CAST: variants seen among roughly 807,000 people sequenced by gnomAD.
CAST encodes MIR583 host.
In CAST, 76 loss-of-function variants were observed where a neutral mutation model predicts 119.6. The ratio of observed to expected loss-of-function variants is 0.64; its 90% confidence interval spans 0.53 to 0.77. The LOEUF is 0.77. Ranked by LOEUF, CAST falls within the 30% of genes least tolerant of loss-of-function variation. The probability of loss-of-function intolerance (pLI) is 0.00; values close to 1 mark genes in which losing one functional copy is unlikely to be tolerated. For missense variants in CAST, 953 were observed against 946.5 expected (o/e 1.01, Z -0.09); for synonymous variants, 319 against 331.6 (o/e 0.96, Z 0.41).
At chr5:96,150,494 C>T in the CAST span, among the ~76,000 whole-genome samples, 474 of 152,312 alleles carry the variant, frequency 3.1e-3, 1 homozygote, top group Non-Finnish European at 3.8e-3. Flanking sequence ...TCAGAGAGAA[C>T]GCTGTCCTGT....
chr5:96,129,556 T>A, the CAST span, among the ~76,000 whole-genome samples: 2 of 152,112 alleles, frequency 1.3e-5, no homozygotes, highest in African/African-American at 4.8e-5. Context: ...ACTGCTTTAT[T>A]GAGAAGAAAT....
chr5:96,671,366 A>G (rs1247836183), intron 1 of CAST, among the ~76,000 whole-genome samples: 6 of 152,136 alleles, frequency 3.9e-5, no homozygotes, highest in African/African-American at 1.4e-4. Context: ...GGAAGTTTTC[A>G]TGTTTTGTTA....
chr5:96,488,807 T>TAA, the CAST span, among the ~76,000 whole-genome samples: 14,832 of 152,300 alleles, frequency 0.097, 898 homozygotes, highest in Middle Eastern at 0.15. Context: ...AAAAGTTTAG[T>TAA]AAATTTACTC....
At chr5:96,617,371 C>T (rs1297001019) in intron 1 of CAST, among the ~76,000 whole-genome samples, 8 of 152,072 alleles carry the variant, frequency 5.3e-5, no homozygotes, top group Non-Finnish European at 1.2e-4. Flanking sequence ...AAAACACCTA[C>T]AAAATGCCAT....
the CAST span, among the ~76,000 whole-genome samples, chr5:96,224,791 C>A: frequency 3.9e-5 from 6 of 152,144 alleles, no homozygotes; most frequent in Admixed American, 6.5e-5. Flanking sequence ...TGCATGATGG[C>A]CAGATGGGTT....
the CAST span, among the ~76,000 whole-genome samples, chr5:96,302,799 A>G: frequency 6.6e-6 from 1 of 152,244 alleles, no homozygotes; most frequent in South Asian, 2.1e-4. Context: ...CATTTACAAT[A>G]TCACTATTGG....
chr5:96,287,236 C>T, the CAST span, among the ~76,000 whole-genome samples: 1 of 152,120 alleles, frequency 6.6e-6, no homozygotes, highest in Non-Finnish European at 1.5e-5. Context: ...CAGGCACATT[C>T]TTCCCCCCTC....
Position 96,767,302 on chromosome 5 carries a change from A to T in CAST, c.2131-136A>T, listed in dbSNP as rs933577098. The T allele has an allele frequency of 6.3e-6, 4 of 629,972 alleles. No individual in the cohort carries two copies. The African/African-American group carries it at 7.5e-5, about 12-fold the overall frequency. The allele number at this position is 629,972 out of a possible 1,614,324, so 39.0% of individuals were successfully genotyped here. On this transcript the variant is annotated intron_variant, in intron 27 of 31. Coordinates refer to ENST00000675179, the MANE Select transcript of CAST (RefSeq NM_001750.7). ...GCTGGTAAAGAAATAGTGGGGACTC[A>T]GGTTTATTAGTTATTGCAAGTCTAC...
the CAST span, among the ~76,000 whole-genome samples, chr5:96,290,417 A>G: frequency 2.0e-5 from 3 of 152,208 alleles, no homozygotes; most frequent in African/African-American, 7.2e-5. Context: ...GAAACAGACT[A>G]TTAGAAGAAT....
chr5:96,689,408 G>A (rs2150288654), intron 2 of CAST, among the ~76,000 whole-genome samples: 1 of 152,166 alleles, frequency 6.6e-6, no homozygotes, highest in East Asian at 1.9e-4. Flanking sequence ...GGTATTTCTA[G>A]GTAATATATT....
chr5:96,010,801 T>C, the CAST span, among the ~76,000 whole-genome samples: 2 of 152,220 alleles, frequency 1.3e-5, no homozygotes, highest in Non-Finnish European at 2.9e-5. Flanking sequence ...TAATTTTCCT[T>C]GTAGAGATCT....
the CAST span, among the ~76,000 whole-genome samples, chr5:96,246,913 T>C: frequency 1.3e-5 from 2 of 152,348 alleles, no homozygotes; most frequent in Non-Finnish European, 2.9e-5. Context: ...ACTTTTTAAA[T>C]GAGTGTTAAA....
At chr5:96,503,856 G>C in the CAST span, among the ~76,000 whole-genome samples, 1 of 152,140 alleles carries the variant, frequency 6.6e-6, no homozygotes. Flanking sequence ...TATTTCGTAA[G>C]AGCGCTTCAC....
At chr5:95,961,926 G>C in the CAST span, 1 of 630,556 alleles carries the variant, frequency 1.6e-6, no homozygotes, top group Admixed American at 3.8e-5. Flanking sequence ...CCCCGGGCTC[G>C]TCTCATTGGT....
the CAST span, among the ~76,000 whole-genome samples, chr5:96,245,168 T>C: frequency 6.6e-6 from 1 of 152,348 alleles, no homozygotes; most frequent in African/African-American, 2.4e-5. Flanking sequence ...GAATTTTAGT[T>C]CATTAAATTT....
chr5:96,165,361 A>G, the CAST span, among the ~76,000 whole-genome samples: 1 of 152,172 alleles, frequency 6.6e-6, no homozygotes. Flanking sequence ...TTAAACCAGA[A>G]AAGTCCATGT....
At chr5:96,325,392 T>C in the CAST span, among the ~76,000 whole-genome samples, 1 of 151,584 alleles carries the variant, frequency 6.6e-6, no homozygotes, top group African/African-American at 2.4e-5. Flanking sequence ...TTTCTTTCTT[T>C]CTTTCTTTTC....
intron 1 of CAST, among the ~76,000 whole-genome samples, chr5:96,569,738 G>T (rs572145211): frequency 6.6e-6 from 1 of 152,156 alleles, no homozygotes. Context: ...GCGACAACAC[G>T]ATCACTGATC....
At chr5:96,043,962 A>G in the CAST span, among the ~76,000 whole-genome samples, 1 of 152,258 alleles carries the variant, frequency 6.6e-6, no homozygotes, top group African/African-American at 2.4e-5. Context: ...AAAAGAATTC[A>G]ATGATGAAAG....
Sources: allele counts gnomAD v4.1 joint callset (sites outside exome capture counted in the v4.1 genomes callset), GRCh38; gene constraint gnomAD v4.1.1; transcripts MANE v1.5; gene names NCBI Gene and HGNC (gene_info 2026-07-23, HGNC 2026-07-21).